EHD4: variants seen among roughly 807,000 people sequenced by gnomAD.
EHD4 encodes the protein EH domain containing 4.
EHD4 carries 37 observed loss-of-function variants against 51.0 expected under a neutral mutation model. The ratio of observed to expected loss-of-function variants is 0.73; its 90% CI spans 0.56 to 0.95. The LOEUF is 0.95. Among genes scored for constraint, EHD4 ranks in the 40% least tolerant of loss-of-function variants. EHD4 has a pLI of 0.00. For missense variants in EHD4, 632 were observed against 733.1 expected, an observed-to-expected ratio of 0.86 and a Z score of 1.59; for synonymous variants, 297 against 317.3, an observed-to-expected ratio of 0.94 and a Z score of 0.68.
chr15:41,899,585 A>C lies in EHD4; in HGVS notation c.*1060T>G, dbSNP rs2067462323. 6.6e-6 allele frequency: 1 copy of C among 151,880 alleles called. No individual in the cohort carries two copies. The highest frequency in any genetic ancestry group is 1.5e-5 in the Non-Finnish European group (1 of 68,000). 9.4% of individuals were successfully genotyped at this position (151,880 alleles called of 1,614,324 possible). ...ACAATGTCTAACTCTGGGTGGACTG[A>C]TCTCTTCTCAACAGCCCAGGGCAGG... On this transcript the variant is annotated 3_prime_UTR_variant, in exon 6 of 6. Coordinates refer to ENST00000220325, the MANE Select transcript of EHD4 (RefSeq NM_139265.4).
chr15:41,954,695 T>A (rs1460095520), intron 1 of EHD4, among the ~76,000 whole-genome samples: 2 of 152,242 alleles, frequency 1.3e-5, no homozygotes, highest in East Asian at 3.9e-4. Flanking sequence ...TGGAGTGCAG[T>A]GGTGCAATCT....
intron 5 of EHD4, among the ~76,000 whole-genome samples, chr15:41,903,630 C>T: frequency 6.6e-6 from 1 of 152,146 alleles, no homozygotes; most frequent in Non-Finnish European, 1.5e-5. Flanking sequence ...ACCCTGTCCC[C>T]TATAGCTGGA....
chr15:41,958,939 G>A (rs1403584816), intron 1 of EHD4, among the ~76,000 whole-genome samples: 1 of 152,182 alleles, frequency 6.6e-6, no homozygotes, highest in Non-Finnish European at 1.5e-5. Context: ...CCCTAAATCA[G>A]AGCCTGAGAG....
At chr15:41,907,429 A>C (rs2067519916) in intron 5 of EHD4, among the ~76,000 whole-genome samples, 1 of 152,112 alleles carries the variant, frequency 6.6e-6, no homozygotes. Flanking sequence ...CTCCAATACC[A>C]CCTGGTGACC....
At chr15:41,957,018 C>T (rs896117623) in intron 1 of EHD4, among the ~76,000 whole-genome samples, 1 of 152,116 alleles carries the variant, frequency 6.6e-6, no homozygotes, top group African/African-American at 2.4e-5. Flanking sequence ...AATTTGACAC[C>T]ATGTGTTAGA....
intron 4 of EHD4, among the ~76,000 whole-genome samples, chr15:41,915,682 A>G (rs1012035094): frequency 4.6e-5 from 7 of 152,232 alleles, no homozygotes; most frequent in African/African-American, 1.7e-4. Flanking sequence ...TATTTTAATT[A>G]TAGCTGAATA....
chr15:41,968,821 C>A (rs549306372), intron 1 of EHD4, among the ~76,000 whole-genome samples: 1 of 152,256 alleles, frequency 6.6e-6, no homozygotes, highest in Admixed American at 6.5e-5. Context: ...AAAATTTATT[C>A]TTTTACAGGG....
chr15:41,936,076 A>G (rs2067729880), intron 3 of EHD4, among the ~76,000 whole-genome samples: 1 of 152,232 alleles, frequency 6.6e-6, no homozygotes, highest in Admixed American at 6.5e-5. Context: ...CCACAGAATG[A>G]ACACTTGTAG....
At position 41,955,360 on chromosome 15, in the gene EHD4, G is replaced by C. The variant is rs115366334; in HGVS notation, c.237-1420C>G. 8.3e-3 allele frequency among the ~76,000 whole-genome samples: 1,268 copies of C among 152,276 alleles called. 13 individuals are homozygous for C. Among genetic ancestry groups the C allele is most frequent in the African/African-American group, 0.025 (1,047 of 41,510 alleles). The stretch of plus-strand genomic sequence containing the variant: ...GCATTCAGACTCCAGAACTTGCACT[G>C]TCTTCAGAAATGGCCTCAAGTTAGT... On this transcript the variant is annotated intron_variant, in intron 1 of 5. Coordinates refer to ENST00000220325, the MANE Select transcript of EHD4 (RefSeq NM_139265.4).
At chr15:41,923,363 A>G (rs1043083536) in intron 3 of EHD4, among the ~76,000 whole-genome samples, 1 of 152,188 alleles carries the variant, frequency 6.6e-6, no homozygotes, top group Admixed American at 6.5e-5. Flanking sequence ...TGTGTCATGA[A>G]GGACTCAGGC....
At chr15:41,946,010 G>A (rs1158476764) in intron 2 of EHD4, among the ~76,000 whole-genome samples, 1 of 152,246 alleles carries the variant, frequency 6.6e-6, no homozygotes, top group African/African-American at 2.4e-5. Context: ...TGAGCCTGGA[G>A]TTAATGTGCA....
At chr15:41,926,424 T>G (rs966784996) in intron 3 of EHD4, among the ~76,000 whole-genome samples, 7 of 152,094 alleles carry the variant, frequency 4.6e-5, no homozygotes, top group Non-Finnish European at 1.0e-4. Flanking sequence ...CATGTGGGCA[T>G]TCCTACCACT....
chr15:41,909,687 G>A lies in EHD4; in HGVS notation c.1089+12C>T. 1 of 1,613,970 alleles carries A rather than the reference G, an allele frequency of 6.2e-7. No individual in the cohort carries two copies. The highest frequency in any genetic ancestry group is 8.5e-7 in the Non-Finnish European group (1 of 1,179,870). ...GCCCTCTGCCCGTGACATTGTAGTG[G>A]GCTCCCAGTACCTGCATAGCCTTGA... is the stretch of plus-strand genomic sequence containing the variant. On this transcript the variant is annotated intron_variant, in intron 5 of 5. Coordinates refer to ENST00000220325, the MANE Select transcript of EHD4 (RefSeq NM_139265.4).
chr15:41,906,871 G>A (rs552852272), intron 5 of EHD4, among the ~76,000 whole-genome samples: 5 of 152,278 alleles, frequency 3.3e-5, no homozygotes, highest in African/African-American at 9.6e-5. Flanking sequence ...CCCACCTTCC[G>A]TGGTGCTAAG....
chr15:41,917,197 T>C (rs572755313), intron 4 of EHD4, among the ~76,000 whole-genome samples: 3 of 152,256 alleles, frequency 2.0e-5, no homozygotes, highest in East Asian at 3.9e-4. Context: ...CTTGGCTCAC[T>C]GCAACCTCCA....
At chr15:41,959,958 C>T (rs2724934) in intron 1 of EHD4, among the ~76,000 whole-genome samples, 24,144 of 146,198 alleles carry the variant, frequency 0.17, 2,589 homozygotes, top group African/African-American at 0.29. Flanking sequence ...TGAGACTCCA[C>T]CTCAAAAAAA....
chr15:41,960,955 G>A (rs1303720479), intron 1 of EHD4, among the ~76,000 whole-genome samples: 2 of 152,132 alleles, frequency 1.3e-5, no homozygotes, highest in African/African-American at 4.8e-5. Context: ...TTAGAGGTGT[G>A]AGCCACCGCG....
chr15:41,963,156 G>C (rs1171445845), intron 1 of EHD4, among the ~76,000 whole-genome samples: 13 of 152,112 alleles, frequency 8.5e-5, no homozygotes, highest in Non-Finnish European at 1.6e-4. Context: ...CAAACACTGC[G>C]GAAGGCCGCA....
intron 4 of EHD4, among the ~76,000 whole-genome samples, chr15:41,910,516 TCTA>T (rs1328872651): frequency 6.6e-6 from 1 of 152,166 alleles, no homozygotes; most frequent in East Asian, 1.9e-4. Flanking sequence ...TTTCCACTCT[TCTA>T]CTGATTTCCA....
Sources: gnomAD v4.1 joint callset for allele counts (sites outside exome capture counted in the v4.1 genomes callset) on GRCh38, gnomAD v4.1.1 for gene constraint, MANE v1.5 for transcripts, NCBI Gene and HGNC (gene_info 2026-07-23, HGNC 2026-07-21) for gene names.